Variants in ERCC8 observed in about 807,000 individuals in gnomAD.
ERCC8 encodes the protein ERCC excision repair 8, CSA ubiquitin ligase complex subunit, also known as DNA excision repair protein ERCC-8.
In ERCC8, 52 loss-of-function variants were observed where a neutral mutation model predicts 54.9. That is an observed-to-expected ratio of 0.95 (90% CI 0.76 to 1.19). The LOEUF is 1.19. ERCC8 is among the 50% of genes most tolerant of loss of function. ERCC8 has a pLI of 0.00. For missense variants in ERCC8, 514 were observed against 466.1 expected (o/e 1.10, Z -0.95); for synonymous variants, 146 against 157.2 (o/e 0.93, Z 0.53).
intron 6 of ERCC8, 66 bp from the exon 7 acceptor site, chr5:60,902,574 AATTTTGCCTG>A: frequency 7.3e-7 from 1 of 1,374,754 alleles, no homozygotes; most frequent in Non-Finnish European, 1.0e-6. Flanking sequence ...AAGTGCCAAT[AATTTTGCCTG>A]ATTCTGAAGA....
At chr5:60,926,857 A>G (rs1318520691) in intron 2 of ERCC8, among the ~76,000 whole-genome samples, 1 of 152,214 alleles carries the variant, frequency 6.6e-6, no homozygotes, top group Non-Finnish European at 1.5e-5. Context: ...CTTAATTGAT[A>G]TGGTATTTAC....
At chr5:60,887,589 ATTTT>A in intron 10 of ERCC8, 69 bp from the exon 11 acceptor site, 6 of 1,138,800 alleles carry the variant, frequency 5.3e-6, no homozygotes, top group African/African-American at 1.5e-5. Flanking sequence ...GAATTATATC[ATTTT>A]TGAAATAATT....
chr5:60,904,630 G>GTATATA (rs1453923345), intron 5 of ERCC8, among the ~76,000 whole-genome samples, 162 bp downstream of exon 5: 29 of 44,536 alleles, frequency 6.5e-4, no homozygotes, highest in Admixed American at 1.8e-3. Flanking sequence ...TAGTGTGTGT[G>GTATATA]TGTGTATATA....
At position 60,868,865 on chromosome 5, in the gene ERCC8, C is replaced by A. The variant is rs1303573769; in HGVS notation, c.*5750G>T. Among the ~76,000 whole-genome samples, 2 of 152,180 alleles carry A rather than the reference C, an allele frequency of 1.3e-5. No individual in the cohort carries two copies. Among genetic ancestry groups the A allele is most frequent in the South Asian group, 4.1e-4 (2 of 4,832 alleles). On this transcript the variant is annotated 3_prime_UTR_variant, in exon 12 of 12. Transcript: ENST00000676185. Reference sequence around the variant, plus strand: ...GCACTATCCTGAGCCCTAGATTTAACCTTCCGATGTCCAGAAATTCATTAC... The same window carrying A: ...GCACTATCCTGAGCCCTAGATTTAAACTTCCGATGTCCAGAAATTCATTAC...
Position 60,874,633 on chromosome 5 carries a change from G to C in ERCC8, c.1173C>G (p.Ser391Arg), listed in dbSNP as rs1255316354. 6.2e-7 allele frequency: 1 copy of C among 1,612,952 alleles called. No individual in the cohort carries two copies. Among genetic ancestry groups the C allele is most frequent in the East Asian group, 2.2e-5 (1 of 44,826 alleles). ...LNPAFEDAWSSSDEEG is the reference protein window; with the variant it reads ...LNPAFEDAWSRSDEEG ...ATGATATTCATCCTTCTTCATCACTGCTGCTCCAGGCATCTTCAAAGGCCG... is the reference window on the plus strand; with the variant it reads ...ATGATATTCATCCTTCTTCATCACTCCTGCTCCAGGCATCTTCAAAGGCCG... Residue 391 changes from serine to arginine, a missense_variant, in exon 12 of 12, where the codon AGC (serine) becomes AGG (arginine). By Grantham distance (110) the Ser-to-Arg change is moderately radical (BLOSUM62 -1). Transcript: ENST00000676185.
intron 9 of ERCC8, 122 bp downstream of exon 9, chr5:60,898,154 A>G: frequency 6.1e-6 from 7 of 1,141,130 alleles, no homozygotes; most frequent in Non-Finnish European, 8.8e-6. Flanking sequence ...TAGTAGAAAC[A>G]CATTTTTAAA....
At chr5:60,894,697 C>T (rs1344575721) in intron 9 of ERCC8, among the ~76,000 whole-genome samples, 1 of 152,028 alleles carries the variant, frequency 6.6e-6, no homozygotes, top group Non-Finnish European at 1.5e-5. Flanking sequence ...CCTAGGTAAT[C>T]CCTAGGTAAA....
intron 11 of ERCC8, among the ~76,000 whole-genome samples, chr5:60,881,661 G>A (rs551679231): frequency 4.6e-5 from 7 of 152,008 alleles, no homozygotes; most frequent in East Asian, 1.9e-4. Context: ...CTCCGAGCCA[G>A]GCGCAGGATA....
intron 10 of ERCC8, among the ~76,000 whole-genome samples, chr5:60,887,924 A>G (rs1748444009): frequency 6.6e-6 from 1 of 152,246 alleles, no homozygotes; most frequent in African/African-American, 2.4e-5. Context: ...CAAGTTCTCA[A>G]AAAGTTTTAT....
rs1747925840 is a variant in ERCC8, at chr5:60,874,071, T to G, written c.*544A>C. 1.3e-5 allele frequency: 2 copies of G among 152,390 alleles called. No homozygotes were observed. The highest frequency in any genetic ancestry group is 4.8e-5 in the African/African-American group (2 of 41,450). 9.4% of individuals were successfully genotyped at this position (152,390 alleles called of 1,614,324 possible). ...GCACATTTTGGATAGTAGGAGACAT[T>G]GAGCCCCAAAATGTTTAACATAAAG... On this transcript the variant is annotated 3_prime_UTR_variant, in exon 12 of 12. Coordinates refer to ENST00000676185, the MANE Select transcript of ERCC8 (RefSeq NM_000082.4).
intron 6 of ERCC8, among the ~76,000 whole-genome samples, chr5:60,903,198 T>TA (rs1748951571): frequency 6.6e-6 from 1 of 151,944 alleles, no homozygotes; most frequent in African/African-American, 2.4e-5. Context: ...CTAATACTGA[T>TA]AAAAGTAGCA....
At position 60,871,009 on chromosome 5, in the gene ERCC8, A is replaced by C. The variant is rs1395162765; in HGVS notation, c.*3606T>G. Among the ~76,000 whole-genome samples the C allele has an allele frequency of 2.0e-5, 3 of 152,240 alleles. No homozygotes were observed. The highest frequency in any genetic ancestry group is 2.9e-5 in the Non-Finnish European group (2 of 68,042). Reference sequence around the variant, plus strand: ...AAGTGGCTTTGGAATTCTCAACTGCAATACCAGAAGCTAGAAAAAAGTGGG... The same window carrying C: ...AAGTGGCTTTGGAATTCTCAACTGCCATACCAGAAGCTAGAAAAAAGTGGG... On this transcript the variant is annotated 3_prime_UTR_variant, in exon 12 of 12. Coordinates refer to ENST00000676185, the MANE Select transcript of ERCC8 (RefSeq NM_000082.4).
At chr5:60,893,610 C>G in intron 9 of ERCC8, 2 of 613,880 alleles carry the variant, frequency 3.3e-6, no homozygotes, top group Non-Finnish European at 6.0e-6. Context: ...AGGTTCGAAT[C>G]CGCTTGCTCT....
At chr5:60,881,643 G>A (rs13356565) in intron 11 of ERCC8, among the ~76,000 whole-genome samples, 15,185 of 151,996 alleles carry the variant, frequency 0.1, 2,263 homozygotes, top group African/African-American at 0.32. Context: ...CTCTGTGGGC[G>A]TCGGACCCTC....
chr5:60,934,872 G>GT (rs1750019331), intron 1 of ERCC8, among the ~76,000 whole-genome samples: 1 of 152,198 alleles, frequency 6.6e-6, no homozygotes, highest in African/African-American at 2.4e-5. Flanking sequence ...TCAGCTAGCT[G>GT]TAAGTATTTG....
At chr5:60,918,960 C>T (rs1475024502) in intron 3 of ERCC8, among the ~76,000 whole-genome samples, 2 of 151,992 alleles carry the variant, frequency 1.3e-5, no homozygotes, top group Non-Finnish European at 2.9e-5. Flanking sequence ...AGCTACAATA[C>T]ACCACCTTGT....
chr5:60,932,494 T>C (rs948512947), intron 1 of ERCC8, among the ~76,000 whole-genome samples: 1 of 152,206 alleles, frequency 6.6e-6, no homozygotes, highest in African/African-American at 2.4e-5. Flanking sequence ...ACCTTCAACA[T>C]TGAGTCTCTA....
At chr5:60,937,949 C>G (rs1750116296) in intron 1 of ERCC8, among the ~76,000 whole-genome samples, 1 of 151,142 alleles carries the variant, frequency 6.6e-6, no homozygotes. Flanking sequence ...TCATTCTCCT[C>G]TGTTTTAGTG....
At chr5:60,908,699 C>G (rs747823137) in intron 4 of ERCC8, among the ~76,000 whole-genome samples, 5 of 150,754 alleles carry the variant, frequency 3.3e-5, no homozygotes, top group Admixed American at 2.0e-4. Flanking sequence ...AGAGAAAAGT[C>G]ATGACATTAT....
Sources: allele counts gnomAD v4.1 joint callset (sites outside exome capture counted in the v4.1 genomes callset), GRCh38; gene constraint gnomAD v4.1.1; transcripts MANE v1.5; gene names NCBI Gene and HGNC (gene_info 2026-07-23, HGNC 2026-07-21).